The following MADD variants were observed in gnomAD, a reference collection of about 807,000 sequenced individuals.
MADD encodes MAP kinase activating death domain.
MADD carries 109 observed loss-of-function variants against 176.7 expected under a neutral mutation model. The observed-to-expected ratio is 0.62, with a 90% CI of 0.53 to 0.72. The LOEUF (loss-of-function observed/expected upper bound fraction) is 0.72, where lower values mean the gene tolerates loss of function less well. Among genes scored for constraint, MADD ranks in the 30% least tolerant of loss-of-function variants. The pLI is 0.00. For synonymous variants in MADD, 771 were observed against 771.3 expected, an observed-to-expected ratio of 1.00 and a Z score of 0.01; for missense variants, 1,914 against 2,045.5, an observed-to-expected ratio of 0.94 and a Z score of 1.24.
exon 29 of MADD, chr11:47,324,295 A>G: frequency 3.1e-6 from 5 of 1,614,242 alleles, no homozygotes; most frequent in Non-Finnish European, 4.2e-6. Flanking sequence ...TGTGAAGGAC[A>G]GCATGGAGCG....
At chr11:47,324,268 C>T (rs370449676) in exon 29 of MADD, 7 of 1,613,862 alleles carry the variant, frequency 4.3e-6, no homozygotes, top group East Asian at 2.2e-5. Flanking sequence ...GCCACAGTGT[C>T]GGGAGCTGTA....
intron 22 of MADD, among the ~76,000 whole-genome samples, chr11:47,298,591 C>G (rs111324595): frequency 1.3e-5 from 2 of 152,160 alleles, no homozygotes; most frequent in Non-Finnish European, 2.9e-5. Context: ...AATCCCTTGT[C>G]AGATGAATAG....
intron 8 of MADD, 78 bp downstream of exon 8, chr11:47,281,831 T>C: frequency 1.3e-6 from 1 of 768,520 alleles, no homozygotes; most frequent in Non-Finnish European, 1.8e-6. Context: ...GGGCAGACTA[T>C]TTCTCTGAAC....
intron 3 of MADD, among the ~76,000 whole-genome samples, chr11:47,275,619 G>A (rs1401547586): frequency 6.6e-6 from 1 of 152,236 alleles, no homozygotes; most frequent in Non-Finnish European, 1.5e-5. Flanking sequence ...GCAAAAGACT[G>A]CTGCAGAGTT....
At position 47,325,360 on chromosome 11, in the gene MADD, G is replaced by C. The variant is rs1565586855; in HGVS notation, c.4542+783G>C. ...TTCACAGCTCTGACTCCTCACACAA[G>C]TGCCTTCCCTCCTCTTTCCCTGATG... On this transcript the variant is annotated intron_variant, in intron 30 of 32. Coordinates refer to ENST00000402192, the Ensembl canonical transcript of MADD. This position sits in a 1 kb window ranked among gnomAD's most constrained non-coding sequence, Gnocchi z 4.5. The C allele has an allele frequency of 6.5e-6, 1 of 152,712 alleles. No homozygotes were observed. Among genetic ancestry groups the C allele is most frequent in the African/African-American group, 2.4e-5 (1 of 41,420 alleles). 9.5% of individuals were successfully genotyped at this position (152,712 alleles called of 1,614,324 possible).
exon 17 of MADD, chr11:47,290,022 A>G (rs970059507): frequency 1.2e-6 from 2 of 1,614,038 alleles, no homozygotes; most frequent in Non-Finnish European, 1.7e-6. Flanking sequence ...CAGTCAGAGG[A>G]CGATGCCCGG....
In MADD at chr11:47,284,956, A is replaced by G. The variant is rs760376636; in HGVS notation, c.2173A>G (p.Thr725Ala). Residue 725 changes from threonine (T) to alanine (A), a missense_variant, in exon 13 of 33, where the codon ACG becomes GCG. Physicochemically the swap from Thr to Ala is moderately conservative, Grantham distance 58 (BLOSUM62 0). This residue lies in a region of MADD where 1,767 missense variants were observed against 1,836.0 expected (regional missense o/e 0.96). Coordinates refer to ENST00000402192, the Ensembl canonical transcript of MADD. ...CGGCCTTTAGGAACCTGCTGACTCT[A>G]CGGAGATGGATGATAAGGCAGCAGT... 6.2e-6 allele frequency: 10 copies of G among 1,613,768 alleles called. No individual in the cohort carries two copies. In the South Asian group the frequency reaches 9.9e-5, roughly 16 times the overall value.
chr11:47,274,659 GTTC>G (rs764863474), exon 3 of MADD: 1 of 1,614,214 alleles, frequency 6.2e-7, no homozygotes, highest in Non-Finnish European at 8.5e-7. Context: ...CAGATGTAGT[GTTC>G]TTCTGCCAGC....
intron 27 of MADD, among the ~76,000 whole-genome samples, chr11:47,315,832 CTTTTT>C (rs138135047): frequency 3.1e-5 from 4 of 128,722 alleles, no homozygotes; most frequent in East Asian, 2.3e-4. Flanking sequence ...ATACCCATTT[CTTTTT>C]TTTTTTTTTT....
At chr11:47,281,681 A>C in exon 8 of MADD, 1 of 1,613,888 alleles carries the variant, frequency 6.2e-7, no homozygotes. Flanking sequence ...AATGACCTGC[A>C]GTCCACACCG....
exon 15 of MADD, chr11:47,286,433 G>A: frequency 6.2e-7 from 1 of 1,612,066 alleles, no homozygotes; most frequent in South Asian, 1.1e-5. Context: ...CCCTTGATAG[G>A]CAGCCTCTAT....
At chr11:47,327,624 C>T (rs997195051) in intron 31 of MADD, 15 of 985,286 alleles carry the variant, frequency 1.5e-5, no homozygotes, top group African/African-American at 7.0e-5. Flanking sequence ...CTTTCCTCCC[C>T]GTGTGTTCCC....
At chr11:47,276,969 A>T in intron 5 of MADD, 106 bp downstream of exon 5, 1 of 1,342,438 alleles carries the variant, frequency 7.4e-7, no homozygotes, top group Non-Finnish European at 1.0e-6. Flanking sequence ...ATCCTTTGTC[A>T]TAACTTATTT....
intron 15 of MADD, 61 bp downstream of exon 16, chr11:47,289,088 G>A: frequency 6.8e-7 from 1 of 1,467,370 alleles, no homozygotes; most frequent in Non-Finnish European, 9.2e-7. Flanking sequence ...TTCTGTGCCT[G>A]CCCGAGGGCC....
chr11:47,295,872 T>C (rs768580414), intron 21 of MADD, 25 bp from the exon 24 acceptor site: 1 of 1,602,012 alleles, frequency 6.2e-7, no homozygotes, highest in Non-Finnish European at 8.5e-7. Context: ...GGGGACTGTC[T>C]CTTACTACCT....
chr11:47,284,031 T>C (rs1381595185), intron 10 of MADD, 147 bp from the exon 11 acceptor site: 1 of 632,930 alleles, frequency 1.6e-6, no homozygotes, highest in Non-Finnish European at 2.8e-6. Flanking sequence ...TATGCTTTGG[T>C]TGACTGTTTT....
intron 1 of MADD, chr11:47,272,108 G>A (rs951072309): frequency 6.6e-6 from 1 of 152,244 alleles, no homozygotes; most frequent in Admixed American, 6.5e-5. Context: ...AGTGGGAGAA[G>A]TGTCTCTAGG....
In MADD at chr11:47,290,046, C is replaced by T. The variant is rs371396751; in HGVS notation, c.2936C>T (p.Pro979Leu). 18 of 1,613,938 alleles carry T rather than the reference C, an allele frequency of 1.1e-5. No homozygotes were observed. The highest frequency in any genetic ancestry group is 8.3e-5 in the Admixed American group (5 of 59,982). ...GACGATGCCCGGCAGGACATCATCC[C>T]GGATGTGGTCAGTGTTGGGGGTAGG... The change falls in exon 17 of 33, where the codon CCG becomes CTG. Residue 979 changes from proline to leucine, a missense_variant. Pro to Leu is a moderately conservative substitution (Grantham distance 98, BLOSUM62 -3). Around this residue, in one of 2 missense-constraint regions of MADD, gnomAD observed 1,767 missense variants for 1,836.0 expected, o/e 0.96. Coordinates refer to ENST00000402192, the Ensembl canonical transcript of MADD.
intron 22 of MADD, among the ~76,000 whole-genome samples, chr11:47,303,155 C>T (rs551504210): frequency 1.3e-5 from 2 of 151,016 alleles, no homozygotes; most frequent in African/African-American, 2.4e-5. Flanking sequence ...ATCCCATTCT[C>T]TACTGGCTTG....
Sources: allele counts gnomAD v4.1 joint callset (sites outside exome capture counted in the v4.1 genomes callset), GRCh38; gene constraint gnomAD v4.1.1; regional missense constraint gnomAD v4.1.1; non-coding constraint Gnocchi (gnomAD v3.1); transcripts MANE v1.5; gene names NCBI Gene and HGNC (gene_info 2026-07-23, HGNC 2026-07-21).